Variants in RIN2 observed in about 807,000 individuals in gnomAD.
RIN2 encodes the protein Ras and Rab interactor 2.
RIN2 carries 36 observed loss-of-function variants against 78.0 expected under a neutral mutation model. The observed-to-expected ratio is 0.46, with a 90% confidence interval of 0.35 to 0.61. RIN2 has a LOEUF of 0.61. RIN2 is among the 20% of genes least tolerant of loss of function. The probability of loss-of-function intolerance (pLI) is 0.00; values close to 1 mark genes in which losing one functional copy is unlikely to be tolerated. For missense variants in RIN2, 1,087 were observed against 1,159.7 expected (o/e 0.94, Z 0.91); for synonymous variants, 466 against 466.8 (o/e 1.00, Z 0.02).
intron 2 of RIN2, among the ~76,000 whole-genome samples, chr20:19,864,435 A>G (rs1468317206): frequency 1.3e-5 from 2 of 152,208 alleles, no homozygotes. Context: ...CAAAATTACC[A>G]GGTCGTGAAA....
At chr20:19,947,706 G>T (rs532065034) in intron 4 of RIN2, among the ~76,000 whole-genome samples, 1 of 152,246 alleles carries the variant, frequency 6.6e-6, no homozygotes, top group African/African-American at 2.4e-5. Flanking sequence ...GAGCCCTCAG[G>T]CTTCAAGAAA....
In RIN2 at chr20:19,905,026, G is replaced by T. The variant is rs148231709; in HGVS notation, c.57+15368G>T. 3.3e-3 allele frequency among the ~76,000 whole-genome samples: 497 copies of T among 152,234 alleles called. 4 individuals carry two copies. Among genetic ancestry groups the T allele is most frequent in the African/African-American group, 0.011 (447 of 41,550 alleles). Reference sequence around the variant, plus strand: ...GTTCAAGCTTCTCCAGTTCTGATTTGCTTCCTCTATCTCTCCCAAGCTCTT... The same window carrying T: ...GTTCAAGCTTCTCCAGTTCTGATTTTCTTCCTCTATCTCTCCCAAGCTCTT... On this transcript the variant is annotated intron_variant, in intron 3 of 12. Coordinates refer to ENST00000255006, the MANE Select transcript of RIN2 (RefSeq NM_018993.4).
At chr20:19,980,671 G>A (rs143241968) in intron 9 of RIN2, among the ~76,000 whole-genome samples, 5 of 152,328 alleles carry the variant, frequency 3.3e-5, no homozygotes, top group African/African-American at 1.2e-4. Flanking sequence ...TGCACGAATT[G>A]TGTGGCAGCA....
Position 19,846,893 on chromosome 20 carries a change from G to A in RIN2, c.-36-42673G>A, listed in dbSNP as rs1600604386. On this transcript the variant is annotated intron_variant, in intron 2 of 12. Transcript: ENST00000255006. ...AGATAGCACCTTCTTCTATGGGCAG[G>A]GGCACCAGTTACTCCATCCAGCCTA... 2.0e-5 allele frequency among the ~76,000 whole-genome samples: 3 copies of A among 152,184 alleles called. No individual in the cohort carries two copies. The South Asian group carries it at 6.2e-4, about 32-fold the overall frequency.
intron 2 of RIN2, among the ~76,000 whole-genome samples, chr20:19,862,730 T>C (rs1568552723): frequency 6.6e-6 from 1 of 152,250 alleles, no homozygotes; most frequent in African/African-American, 2.4e-5. Context: ...TAATTTTTTC[T>C]TTAATGCTCT....
rs79401043 is a variant in RIN2, at chr20:19,907,469, G to A, written c.57+17811G>A. ...CAGCCAAACCCTCAGCTGGACACTG[G>A]GTGCATTCTCATCCTTCACTTATCA... On this transcript the variant is annotated intron_variant, in intron 3 of 12. Coordinates refer to ENST00000255006, the MANE Select transcript of RIN2 (RefSeq NM_018993.4). Among the ~76,000 whole-genome samples, 891 of 152,264 alleles carry A rather than the reference G, an allele frequency of 5.9e-3. 9 individuals are homozygous for A. Among genetic ancestry groups the A allele is most frequent in the African/African-American group, 0.018 (729 of 41,544 alleles).
intron 6 of RIN2, 56 bp downstream of exon 6, chr20:19,960,867 G>A: frequency 8.9e-7 from 1 of 1,126,472 alleles, no homozygotes; most frequent in Non-Finnish European, 1.3e-6. Flanking sequence ...GGCTCTGCAG[G>A]GAGTGGAAAT....
chr20:19,988,714 C>T (rs1445073776), intron 9 of RIN2, among the ~76,000 whole-genome samples: 6 of 152,178 alleles, frequency 3.9e-5, no homozygotes, highest in African/African-American at 1.4e-4. Context: ...AATAACGCCT[C>T]CCACACCCAA....
chr20:19,994,400 G>T (rs559224363), intron 11 of RIN2, among the ~76,000 whole-genome samples: 1 of 152,208 alleles, frequency 6.6e-6, no homozygotes, highest in Non-Finnish European at 1.5e-5. Flanking sequence ...TCTGTTTTCC[G>T]CTGTTTAAGC....
intron 2 of RIN2, among the ~76,000 whole-genome samples, chr20:19,822,681 C>T (rs980156500): frequency 1.3e-5 from 2 of 152,070 alleles, no homozygotes; most frequent in African/African-American, 4.8e-5. Flanking sequence ...CACACAATTA[C>T]AAATTCAGAT....
intron 3 of RIN2, among the ~76,000 whole-genome samples, chr20:19,910,998 G>A (rs1372851022): frequency 6.6e-6 from 1 of 152,102 alleles, no homozygotes; most frequent in Non-Finnish European, 1.5e-5. Flanking sequence ...CCCTTGCTCT[G>A]TCATTCTCTT....
chr20:19,873,342 C>T (rs1463358448), intron 2 of RIN2, among the ~76,000 whole-genome samples: 2 of 152,218 alleles, frequency 1.3e-5, no homozygotes, highest in African/African-American at 4.8e-5. Context: ...GCCAAGGCTG[C>T]TCTTGAACTC....
At chr20:19,983,636 G>A (rs1264360777) in intron 9 of RIN2, among the ~76,000 whole-genome samples, 1 of 152,044 alleles carries the variant, frequency 6.6e-6, no homozygotes, top group East Asian at 1.9e-4. Context: ...ACTAAAATAA[G>A]CTAAGAGGTC....
chr20:19,997,112 A>T (rs1364662542), intron 12 of RIN2, among the ~76,000 whole-genome samples: 5 of 152,154 alleles, frequency 3.3e-5, no homozygotes, highest in African/African-American at 9.6e-5. Flanking sequence ...TAAGTCAAAA[A>T]GGAGGAGGAA....
At chr20:19,810,820 A>G (rs886287870) in intron 2 of RIN2, among the ~76,000 whole-genome samples, 79 of 147,472 alleles carry the variant, frequency 5.4e-4, no homozygotes, top group African/African-American at 1.9e-3. Flanking sequence ...CAGCCTCCCA[A>G]GTAGCTGGGA....
Position 20,001,028 on chromosome 20 carries a change from C to T in RIN2, c.*92C>T. ...CATGCTTGAGCTTGAAAAGCAGTCA[C>T]CTCCTCGGGGACCCCTCAGTGTAGT... On this transcript the variant is annotated 3_prime_UTR_variant, in exon 13 of 13. Transcript: ENST00000255006. 2 of 1,255,842 alleles carry T rather than the reference C, an allele frequency of 1.6e-6. No individual in the cohort carries two copies. Among genetic ancestry groups the T allele is most frequent in the East Asian group, 4.8e-5 (2 of 41,436 alleles). 77.8% of individuals were successfully genotyped at this position (1,255,842 alleles called of 1,614,324 possible).
chr20:19,823,727 C>T (rs915273962), intron 2 of RIN2: 27 of 1,590,286 alleles, frequency 1.7e-5, no homozygotes, highest in Non-Finnish European at 2.3e-5. Flanking sequence ...GAAGGCACCA[C>T]CTCAATCTGG....
intron 2 of RIN2, among the ~76,000 whole-genome samples, chr20:19,801,556 C>T (rs1489780176): frequency 2.6e-5 from 4 of 152,128 alleles, no homozygotes; most frequent in Non-Finnish European, 5.9e-5. Flanking sequence ...CTCCTGACCT[C>T]GTGATCCGCC....
intron 1 of RIN2, among the ~76,000 whole-genome samples, chr20:19,764,918 G>GTTTTTCTTTTTT (rs2033806045): frequency 2.0e-5 from 1 of 50,362 alleles, no homozygotes; most frequent in Non-Finnish European, 3.6e-5. Context: ...CACTTTCTGC[G>GTTTTTCTTTTTT]TTTTTTTTTT....
Sources: allele counts gnomAD v4.1 joint callset (sites outside exome capture counted in the v4.1 genomes callset), GRCh38; gene constraint gnomAD v4.1.1; transcripts MANE v1.5; gene names NCBI Gene and HGNC (gene_info 2026-07-23, HGNC 2026-07-21).